The following SGTA variants were observed in gnomAD, a reference collection of about 807,000 sequenced individuals.
The protein encoded by SGTA is small glutamine-rich tetratricopeptide repeat-containing protein alpha.
In SGTA, 22 loss-of-function variants were observed where a neutral mutation model predicts 44.3. The observed-to-expected ratio is 0.50, with a 90% CI of 0.36 to 0.71. The LOEUF is 0.71. Among genes scored for constraint, SGTA ranks in the 30% least tolerant of loss-of-function variants. SGTA has a pLI of 0.00. For missense variants in SGTA, 341 were observed against 435.9 expected, an observed-to-expected ratio of 0.78 and a Z score of 1.94; for synonymous variants, 174 against 177.6, an observed-to-expected ratio of 0.98 and a Z score of 0.16.
rs1914807934 is a variant in SGTA at position 2,755,898 on chromosome 19, G to A, written c.*42C>T. 1 of 985,738 alleles carries A rather than the reference G, an allele frequency of 1.0e-6. No homozygotes were observed. Among genetic ancestry groups the A allele is most frequent in the Non-Finnish European group, 1.2e-6 (1 of 830,134 alleles). 61.1% of individuals were successfully genotyped at this position (985,738 alleles called of 1,614,324 possible). ...CAGACAACCAGAAGGCTTCCTTCGG[G>A]TCGGCCAGGGAAGGACGCGGTCACA... On this transcript the variant is annotated 3_prime_UTR_variant, in exon 12 of 12. Transcript: ENST00000221566. This position sits in a 1 kb window ranked among gnomAD's most constrained non-coding sequence, Gnocchi z 5.2.
rs543391763 is a variant in SGTA at position 2,771,858 on chromosome 19, T to C, written c.-23-2767A>G. ...CGTGGGATGGGACCCCCATCCTCTGTTCTTGCGATGAGGTTCCCTTGGCTG... is the reference window on the plus strand; with the variant it reads ...CGTGGGATGGGACCCCCATCCTCTGCTCTTGCGATGAGGTTCCCTTGGCTG... On this transcript the variant is annotated intron_variant, in intron 1 of 11. Transcript: ENST00000221566. Among the ~76,000 whole-genome samples, 4 of 152,344 alleles carry C rather than the reference T, an allele frequency of 2.6e-5. No individual in the cohort carries two copies. The East Asian group carries it at 7.7e-4, about 29-fold the overall frequency.
intron 1 of SGTA, among the ~76,000 whole-genome samples, chr19:2,775,168 G>A (rs1766790589): frequency 6.6e-6 from 1 of 152,246 alleles, no homozygotes; most frequent in Non-Finnish European, 1.5e-5. Context: ...CAGGACTGGG[G>A]ATGGAGGTGT....
At position 2,755,810 on chromosome 19, in the gene SGTA, T is replaced by A; in HGVS notation, c.*130A>T. 3.0e-6 allele frequency: 3 copies of A among 985,548 alleles called. No homozygotes were observed. Among genetic ancestry groups the A allele is most frequent in the Non-Finnish European group, 3.6e-6 (3 of 830,006 alleles). 61.1% of individuals were successfully genotyped at this position (985,548 alleles called of 1,614,324 possible). On this transcript the variant is annotated 3_prime_UTR_variant, in exon 12 of 12. Coordinates refer to ENST00000221566, the MANE Select transcript of SGTA (RefSeq NM_003021.4). The surrounding 1 kb of genome is among the most constrained non-coding windows in gnomAD (Gnocchi z 5.2). Reference sequence around the variant, plus strand: ...CAGAGATAAAAGGGGAAAATCCATCTTGACATGCAGGTCCGAGGTCTCTCT... The same window carrying A: ...CAGAGATAAAAGGGGAAAATCCATCATGACATGCAGGTCCGAGGTCTCTCT...
rs1203010686 is a variant in SGTA, at chr19:2,765,648, T to C, written c.293-363A>G. 1.3e-5 allele frequency among the ~76,000 whole-genome samples: 2 copies of C among 152,138 alleles called. No individual in the cohort carries two copies. The highest frequency in any genetic ancestry group is 1.3e-4 in the Admixed American group (2 of 15,284). On this transcript the variant is annotated intron_variant, in intron 4 of 11. Transcript: ENST00000221566. This position sits in a 1 kb window ranked among gnomAD's most constrained non-coding sequence, Gnocchi z 5.5. ...GGAAACTGTCCCTTTCGCTATTGCT[T>C]TTGGAAAGAGCCCAAGTGGAGGCCT...
intron 11 of SGTA, among the ~76,000 whole-genome samples, chr19:2,756,362 G>A (rs140895637): frequency 6.6e-5 from 10 of 151,914 alleles, no homozygotes; most frequent in African/African-American, 2.2e-4. Context: ...AGGCCGAGGC[G>A]GGAGGATCGC....
chr19:2,769,960 C>CT (rs1915256851), intron 1 of SGTA, among the ~76,000 whole-genome samples: 1 of 111,444 alleles, frequency 9.0e-6, no homozygotes, highest in Non-Finnish European at 1.9e-5. Flanking sequence ...CTCGGACACC[C>CT]GCCTAGTTCC....
chr19:2,768,885 G>C, intron 2 of SGTA, 84 bp downstream of exon 2: 1 of 990,708 alleles, frequency 1.0e-6, no homozygotes, highest in Non-Finnish European at 1.6e-6. Context: ...CGGGGGACCA[G>C]GCATCTACAC....
intron 8 of SGTA, among the ~76,000 whole-genome samples, chr19:2,760,824 C>T (rs1914969219): frequency 6.6e-6 from 1 of 152,182 alleles, no homozygotes; most frequent in African/African-American, 2.4e-5. Context: ...AGACTGAGGG[C>T]TTTTCTCCCC....
chr19:2,780,602 T>C (rs1408675342), intron 1 of SGTA, among the ~76,000 whole-genome samples: 1 of 152,140 alleles, frequency 6.6e-6, no homozygotes, highest in East Asian at 1.9e-4. Flanking sequence ...CAAACTCCTA[T>C]CTCTGGCCCA....
rs1915125870 is a variant in SGTA, at chr19:2,765,876, C to T, written c.293-591G>A. ...GAAGATGGGTATCAGCGTGTGTTTC[C>T]CTAAACAGTTTTATTGAGATATAAT... On this transcript the variant is annotated intron_variant, in intron 4 of 11. Coordinates refer to ENST00000221566, the MANE Select transcript of SGTA (RefSeq NM_003021.4). This position sits in a 1 kb window ranked among gnomAD's most constrained non-coding sequence, Gnocchi z 5.5. Among the ~76,000 whole-genome samples the T allele has an allele frequency of 6.6e-6, 1 of 152,032 alleles. No homozygotes were observed. Among genetic ancestry groups the T allele is most frequent in the African/African-American group, 2.4e-5 (1 of 41,386 alleles).
chr19:2,764,789 C>T (rs1217545970), intron 5 of SGTA, among the ~76,000 whole-genome samples: 2 of 152,152 alleles, frequency 1.3e-5, no homozygotes, highest in African/African-American at 2.4e-5. Flanking sequence ...TGGTCTTGAA[C>T]TCTCAACCTC....
intron 1 of SGTA, among the ~76,000 whole-genome samples, chr19:2,778,844 G>A (rs1298547283): frequency 6.6e-6 from 1 of 152,196 alleles, no homozygotes; most frequent in Non-Finnish European, 1.5e-5. Context: ...GGAGCAAGGA[G>A]GTGAATCCTA....
Position 2,767,597 on chromosome 19 carries a change from C to T in SGTA, c.190G>A (p.Ala64Thr), listed in dbSNP as rs762899406. Residue 64 changes from alanine to threonine, a missense_variant, in exon 3 of 12, where the codon GCG (alanine) becomes ACG (threonine). Coordinates refer to ENST00000221566, the MANE Select transcript of SGTA (RefSeq NM_003021.4). The surrounding 1 kb of genome is among the most constrained non-coding windows in gnomAD (Gnocchi z 7.3). ...LPQTLPEIFE[A>T]AATGKEMPQD... ...AGGCTCACCTTGCCCGTGGCAGCCG[C>T]TTCAAATATCTCCGGCAGAGTCTGA... The T allele has an allele frequency of 5.6e-6, 9 of 1,613,226 alleles. No homozygotes were observed. Among genetic ancestry groups the T allele is most frequent in the Admixed American group, 1.7e-5 (1 of 60,004 alleles).
At chr19:2,771,916 G>A (rs1271122489) in intron 1 of SGTA, among the ~76,000 whole-genome samples, 1 of 152,224 alleles carries the variant, frequency 6.6e-6, no homozygotes, top group Admixed American at 6.5e-5. Context: ...CTTCCGGGCT[G>A]GGCTGGGCAG....
In SGTA at chr19:2,767,411, C is replaced by T. The variant is rs115911784; in HGVS notation, c.207+169G>A. Among the ~76,000 whole-genome samples, 768 of 152,294 alleles carry T rather than the reference C, an allele frequency of 5.0e-3. 9 individuals carry two copies. Among genetic ancestry groups the T allele is most frequent in the African/African-American group, 0.018 (739 of 41,550 alleles). On this transcript the variant is annotated intron_variant, in intron 3 of 11. Coordinates refer to ENST00000221566, the MANE Select transcript of SGTA (RefSeq NM_003021.4). The surrounding 1 kb of genome is among the most constrained non-coding windows in gnomAD (Gnocchi z 7.3). ...CAGCGCTATGTGTCTCAGGACCCGC[C>T]GATAGGGGGAGGAGGGCCAAGTGCT...
chr19:2,762,496 C>T lies in SGTA; in HGVS notation c.636+10G>A. On this transcript the variant is annotated intron_variant, in intron 7 of 11. Coordinates refer to ENST00000221566, the MANE Select transcript of SGTA (RefSeq NM_003021.4). The stretch of plus-strand genomic sequence containing the variant: ...GGCGTTCTGGAGCCACTCGCCCCCG[C>T]TGCACTCACGGGGCTGGGGGCCTCC... 6.2e-7 allele frequency: 1 copy of T among 1,613,636 alleles called. No homozygotes were observed. The highest frequency in any genetic ancestry group is 8.5e-7 in the Non-Finnish European group (1 of 1,179,882).
rs540973492 is a variant in SGTA, at chr19:2,772,814, C to T, written c.-23-3723G>A. On this transcript the variant is annotated intron_variant, in intron 1 of 11. Transcript: ENST00000221566. Reference sequence around the variant, plus strand: ...GGACACCGAGGGCAGAGATGGGTGACGCGGCCACAGGGCAGGGACACCGAG... The same window carrying T: ...GGACACCGAGGGCAGAGATGGGTGATGCGGCCACAGGGCAGGGACACCGAG... Among the ~76,000 whole-genome samples the T allele has an allele frequency of 1.2e-3, 170 of 140,710 alleles. 2 individuals carry two copies. Among genetic ancestry groups the T allele is most frequent in the African/African-American group, 4.4e-3 (148 of 33,584 alleles). The allele number at this position is 140,710 out of a possible 152,430, so 92.3% of individuals were successfully genotyped here.
At chr19:2,779,412 T>C (rs1011627708) in intron 1 of SGTA, among the ~76,000 whole-genome samples, 13 of 152,268 alleles carry the variant, frequency 8.5e-5, no homozygotes, top group Admixed American at 2.0e-4. Flanking sequence ...ACAGCCAGGC[T>C]TTCCCGTAAG....
In SGTA at chr19:2,765,138, G is replaced by T; in HGVS notation, c.392+48C>A. On this transcript the variant is annotated intron_variant, in intron 5 of 11. Coordinates refer to ENST00000221566, the MANE Select transcript of SGTA (RefSeq NM_003021.4). The surrounding 1 kb of genome is among the most constrained non-coding windows in gnomAD (Gnocchi z 5.5). Reference sequence around the variant, plus strand: ...GTCCCTGCTAAGCATCCCGGAGGACGCCCCCGCACCCGGCCGCCCCTGCCC... The same window carrying T: ...GTCCCTGCTAAGCATCCCGGAGGACTCCCCCGCACCCGGCCGCCCCTGCCC... 7.4e-7 allele frequency: 1 copy of T among 1,350,498 alleles called. No homozygotes were observed. Among genetic ancestry groups the T allele is most frequent in the Non-Finnish European group, 1.1e-6 (1 of 940,758 alleles). The allele number at this position is 1,350,498 out of a possible 1,614,324, so 83.7% of individuals were successfully genotyped here.
Sources: gnomAD v4.1 joint callset for allele counts (sites outside exome capture counted in the v4.1 genomes callset) on GRCh38, gnomAD v4.1.1 for gene constraint, Gnocchi (gnomAD v3.1) non-coding constraint, MANE v1.5 for transcripts, NCBI Gene and HGNC (gene_info 2026-07-23, HGNC 2026-07-21) for gene names.